MED15: variants seen among roughly 807,000 people sequenced by gnomAD.
MED15 encodes the protein mediator of RNA polymerase II transcription subunit 15.
In MED15, 41 loss-of-function variants were observed where a neutral mutation model predicts 118.7. The observed-to-expected ratio is 0.35, with a 90% CI of 0.27 to 0.45. The LOEUF (loss-of-function observed/expected upper bound fraction) is 0.45, where lower values mean the gene tolerates loss of function less well. Ranked by LOEUF, MED15 falls within the 20% of genes least tolerant of loss-of-function variation. The pLI is 1.00. For synonymous variants in MED15, 436 were observed against 413.9 expected (o/e 1.05, Z -0.65); for missense variants, 740 against 1,025.5 (o/e 0.72, Z 3.80).
At chr22:20,514,360 A>C (rs1286931831) in intron 1 of MED15, among the ~76,000 whole-genome samples, 1 of 152,218 alleles carries the variant, frequency 6.6e-6, no homozygotes, top group African/African-American at 2.4e-5. Context: ...TGCACCTGTC[A>C]TACAGGTTTG....
chr22:20,551,209 G>A, intron 2 of MED15: 3 of 677,714 alleles, frequency 4.4e-6, no homozygotes, highest in Non-Finnish European at 8.4e-6. Context: ...GCCGTTGGAG[G>A]CTCTCTGTCC....
At chr22:20,580,479 TAGAG>T (rs1307091936) in intron 9 of MED15, among the ~76,000 whole-genome samples, 2 of 151,968 alleles carry the variant, frequency 1.3e-5, no homozygotes, top group Admixed American at 1.3e-4. Flanking sequence ...GGCAGTCAGG[TAGAG>T]GCAAGGGGAG....
intron 1 of MED15, among the ~76,000 whole-genome samples, chr22:20,522,400 G>A (rs995134583): frequency 6.6e-5 from 10 of 152,098 alleles, no homozygotes; most frequent in Non-Finnish European, 1.5e-4. Context: ...GATTTTGAAT[G>A]CACGCTGAAA....
chr22:20,543,111 TTGTGTGTG>T lies in MED15; in HGVS notation c.156+5941_156+5948del, dbSNP rs61279859. ...TCTTCCCTCAATTTCTCTCTCTTCT[TTGTGTGTG>T]TGTGTGTGTGTGTGTGTGTGTGTGT... On this transcript the variant is annotated intron_variant, in intron 2 of 17. Coordinates refer to ENST00000263205, the MANE Select transcript of MED15 (RefSeq NM_001003891.3). Among the ~76,000 whole-genome samples, 217 of 141,274 alleles carry T rather than the reference TTGTGTGTG, an allele frequency of 1.5e-3. 1 individual carries two copies. Among genetic ancestry groups the T allele is most frequent in the Admixed American group, 2.3e-3 (32 of 13,848 alleles). The allele number at this position is 141,274 out of a possible 152,430, so 92.7% of individuals were successfully genotyped here.
intron 5 of MED15, among the ~76,000 whole-genome samples, chr22:20,557,064 T>C (rs910487085): frequency 6.6e-6 from 1 of 152,256 alleles, no homozygotes; most frequent in African/African-American, 2.4e-5. Context: ...AAAGCTGCTG[T>C]GGATATCTGT....
chr22:20,532,297 C>G (rs2054891729), intron 1 of MED15, among the ~76,000 whole-genome samples: 1 of 152,156 alleles, frequency 6.6e-6, no homozygotes, highest in Admixed American at 6.5e-5. Flanking sequence ...GCACTTGGTG[C>G]TGGGAGATGA....
chr22:20,555,133 A>G lies in MED15; in HGVS notation c.436A>G (p.Thr146Ala), dbSNP rs369718484. The G allele has an allele frequency of 3.1e-6, 5 of 1,603,318 alleles. No homozygotes were observed. In the African/African-American group the frequency reaches 5.3e-5, roughly 17 times the overall value. Residue 146 changes from threonine to alanine, a missense_variant, in exon 5 of 18, where the codon ACG becomes GCG. By Grantham distance (58) the Thr-to-Ala change is moderately conservative. Around this residue, in one of 7 missense-constraint regions of MED15, gnomAD observed 117 missense variants for 124.6 expected, o/e 0.94. Transcript: ENST00000263205. ...CCCTCACAGCATGGCTGTCGTGTCT[A>G]CGGCAACTCCACAGAGTGAGTACCA... is the stretch of plus-strand genomic sequence containing the variant. Reference protein sequence around the residue: ...MAPHSMAVVSTATPQTQLQLQ... With the variant: ...MAPHSMAVVSAATPQTQLQLQ...
rs1222941357 is a variant in MED15 at position 20,587,596 on chromosome 22, TAATA to T, written c.*896_*899del. ...TGCACTACCCCACCATCTGTGATTA[TAATA>T]AATTTATTATTCCTGTGTTTGTCAG... On this transcript the variant is annotated 3_prime_UTR_variant, in exon 18 of 18. Coordinates refer to ENST00000263205, the MANE Select transcript of MED15 (RefSeq NM_001003891.3). The T allele has an allele frequency of 6.2e-6, 3 of 481,604 alleles. No individual in the cohort carries two copies. Among genetic ancestry groups the T allele is most frequent in the Non-Finnish European group, 1.0e-5 (3 of 299,322 alleles). 29.8% of individuals were successfully genotyped at this position (481,604 alleles called of 1,614,324 possible).
At chr22:20,530,445 G>C (rs139066047) in intron 1 of MED15, among the ~76,000 whole-genome samples, 114 of 152,292 alleles carry the variant, frequency 7.5e-4, no homozygotes, top group African/African-American at 2.6e-3. Context: ...GTGAATCTGT[G>C]CCCCAGGGAG....
At chr22:20,547,274 A>T (rs1331993440) in intron 2 of MED15, among the ~76,000 whole-genome samples, 1 of 152,188 alleles carries the variant, frequency 6.6e-6, no homozygotes, top group African/African-American at 2.4e-5. Context: ...TCATTTTTTT[A>T]AAAAGCCTCT....
chr22:20,510,408 A>T (rs1397639450), intron 1 of MED15, among the ~76,000 whole-genome samples: 5 of 152,124 alleles, frequency 3.3e-5, no homozygotes, highest in African/African-American at 1.2e-4. Context: ...CAAAAAACAC[A>T]CATTTATCAT....
intron 9 of MED15, among the ~76,000 whole-genome samples, chr22:20,576,547 G>A (rs2056829219): frequency 6.6e-6 from 1 of 152,276 alleles, no homozygotes; most frequent in African/African-American, 2.4e-5. Flanking sequence ...CCCCAGATGT[G>A]CCATTCACAT....
At chr22:20,510,356 C>T (rs541482627) in intron 1 of MED15, among the ~76,000 whole-genome samples, 42 of 152,246 alleles carry the variant, frequency 2.8e-4, no homozygotes, top group Non-Finnish European at 1.9e-4. Context: ...ACTGCTATCC[C>T]GCCTAGTGAC....
chr22:20,585,578 G>C, intron 16 of MED15, 150 bp from the exon 17 acceptor site: 1 of 769,786 alleles, frequency 1.3e-6, no homozygotes, highest in Non-Finnish European at 2.1e-6. Context: ...TTCACGTTTG[G>C]AAATCTGAGA....
At chr22:20,551,045 C>T (rs574041759) in intron 2 of MED15, 7 of 464,294 alleles carry the variant, frequency 1.5e-5, no homozygotes, top group African/African-American at 8.0e-5. Flanking sequence ...AAAGACACAG[C>T]GGCCCACCCA....
chr22:20,573,518 G>T (rs186756633), intron 8 of MED15, among the ~76,000 whole-genome samples: 5 of 152,208 alleles, frequency 3.3e-5, no homozygotes, highest in Non-Finnish European at 7.4e-5. Context: ...ACCTGGGGGT[G>T]GGGGAGAGGT....
At position 20,578,454 on chromosome 22, in the gene MED15, T is replaced by C. The variant is rs187321253; in HGVS notation, c.1272+3222T>C. Among the ~76,000 whole-genome samples the C allele has an allele frequency of 6.2e-4, 94 of 152,258 alleles. 4 individuals carry two copies. The highest frequency in any genetic ancestry group is 2.2e-3 in the African/African-American group (93 of 41,538). ...CTGCAGTACCAGGCTCTTGGTACAG[T>C]CTCCCACACCTGGCTGTGGGCCAGC... On this transcript the variant is annotated intron_variant, in intron 9 of 17. Transcript: ENST00000263205.
intron 17 of MED15, 39 bp from the exon 18 acceptor site, chr22:20,586,529 G>A (rs572935034): frequency 4.7e-5 from 75 of 1,601,476 alleles, no homozygotes; most frequent in East Asian, 4.5e-5. Context: ...CGAGCGCAGC[G>A]CCGGCCGCCT....
chr22:20,524,397 A>G (rs183319097), intron 1 of MED15: 27 of 151,878 alleles, frequency 1.8e-4, no homozygotes, highest in Admixed American at 3.3e-4. Context: ...CAAGCCCTGC[A>G]CTGATGGAGG....
Sources: allele counts gnomAD v4.1 joint callset (sites outside exome capture counted in the v4.1 genomes callset), GRCh38; gene constraint gnomAD v4.1.1; regional missense constraint gnomAD v4.1.1; transcripts MANE v1.5; gene names NCBI Gene and HGNC (gene_info 2026-07-23, HGNC 2026-07-21).